Variants in GRIK1 observed in about 807,000 individuals in gnomAD.
The protein encoded by GRIK1 is glutamate ionotropic receptor kainate type subunit 1, also known as glutamate receptor ionotropic, kainate 1.
A neutral mutation model predicts 105.7 loss-of-function variants in GRIK1; 69 were observed. The observed-to-expected ratio is 0.65, with a 90% CI of 0.54 to 0.80. The LOEUF is 0.80. Ranked by LOEUF, GRIK1 falls within the 30% of genes least tolerant of loss-of-function variation. GRIK1 has a pLI of 0.00. For missense variants in GRIK1, 1,109 were observed against 1,167.3 expected (o/e 0.95, Z 0.73); for synonymous variants, 438 against 431.3 (o/e 1.02, Z -0.19).
In GRIK1 at chr21:29,541,575, C is replaced by T. The variant is rs73897671; in HGVS notation, c.2608-3691G>A. ...CTATGCCATTCATTGCACTCACGGT[C>T]TTTTTTTTTTTTTTTTTTTTTGTGG... is the stretch of plus-strand genomic sequence containing the variant. On this transcript the variant is annotated intron_variant, in intron 16 of 17. Coordinates refer to ENST00000327783, the MANE Select transcript of GRIK1 (RefSeq NM_001330994.2). Among the ~76,000 whole-genome samples the T allele has an allele frequency of 6.0e-3, 574 of 95,842 alleles. 10 individuals carry two copies. Among genetic ancestry groups the T allele is most frequent in the African/African-American group, 0.022 (467 of 20,892 alleles). The allele number at this position is 95,842 out of a possible 152,430, so 62.9% of individuals were successfully genotyped here. A position where few individuals can be genotyped will look rare whatever the true frequency, so the allele number is the denominator to read the frequency against.
At chr21:29,595,153 G>A (rs540859804) in intron 9 of GRIK1, among the ~76,000 whole-genome samples, 2 of 152,148 alleles carry the variant, frequency 1.3e-5, no homozygotes, top group South Asian at 4.2e-4. Flanking sequence ...GAGGCATGAA[G>A]GCATGGAGGA....
intron 14 of GRIK1, among the ~76,000 whole-genome samples, chr21:29,563,483 C>A (rs1292501726): frequency 6.6e-6 from 1 of 152,074 alleles, no homozygotes; most frequent in African/African-American, 2.4e-5. Flanking sequence ...CATATTGGGC[C>A]CCTGTGAGTT....
chr21:29,599,028 G>A (rs889627173), intron 7 of GRIK1, 91 bp from the exon 8 acceptor site: 3 of 637,674 alleles, frequency 4.7e-6, no homozygotes, highest in African/African-American at 3.7e-5. Context: ...ATTCATCACA[G>A]TATCCAATTA....
chr21:29,682,306 C>T (rs952059515), intron 3 of GRIK1, among the ~76,000 whole-genome samples: 1 of 152,110 alleles, frequency 6.6e-6, no homozygotes, highest in Non-Finnish European at 1.5e-5. Flanking sequence ...CATTTTAGTT[C>T]TTTTAGACTT....
rs561080538 is a variant in GRIK1 at position 29,574,801 on chromosome 21, C to G, written c.2130+2163G>C. The stretch of plus-strand genomic sequence containing the variant: ...CTCCCGGGTTCACGCCATTCTCCTG[C>G]CTCAGCCTCCCGAGTAGCTGGGACT... On this transcript the variant is annotated intron_variant, in intron 14 of 17. Coordinates refer to ENST00000327783, the MANE Select transcript of GRIK1 (RefSeq NM_001330994.2). Among the ~76,000 whole-genome samples the G allele has an allele frequency of 1.5e-4, 23 of 151,360 alleles. No homozygotes were observed. In the East Asian group the frequency reaches 3.5e-3, roughly 23 times the overall value.
At chr21:29,595,316 T>C (rs2061390960) in intron 9 of GRIK1, among the ~76,000 whole-genome samples, 1 of 151,352 alleles carries the variant, frequency 6.6e-6, no homozygotes, top group African/African-American at 2.4e-5. Context: ...GTGCCCAGAG[T>C]CTCAAGATGG....
At chr21:29,648,363 T>G (rs1262041249) in intron 6 of GRIK1, among the ~76,000 whole-genome samples, 4 of 152,208 alleles carry the variant, frequency 2.6e-5, no homozygotes, top group African/African-American at 9.7e-5. Flanking sequence ...AAAACACTAT[T>G]ATTTTAAAGT....
chr21:29,937,659 G>A (rs1281764413), intron 1 of GRIK1, among the ~76,000 whole-genome samples: 1 of 152,042 alleles, frequency 6.6e-6, no homozygotes, highest in East Asian at 1.9e-4. Context: ...GAGGAACATT[G>A]GCTAGCACAG....
At chr21:29,580,079 ATATG>A (rs1265308430) in intron 13 of GRIK1, among the ~76,000 whole-genome samples, 1 of 145,090 alleles carries the variant, frequency 6.9e-6, no homozygotes, top group Non-Finnish European at 1.5e-5. Context: ...ATATATATGT[ATATG>A]TGTGTGTATA....
intron 1 of GRIK1, among the ~76,000 whole-genome samples, chr21:29,763,376 T>G (rs1362415126): frequency 0.014 from 2 of 138 alleles, no homozygotes; most frequent in African/African-American, 0.036. Context: ...CTTCATAAAT[T>G]ACCCCATTCA....
intron 17 of GRIK1, among the ~76,000 whole-genome samples, 163 bp from the exon 18 acceptor site, chr21:29,537,548 C>T (rs955420968): frequency 5.3e-5 from 8 of 152,118 alleles, no homozygotes. Flanking sequence ...GCTGGCCACC[C>T]ACCTTTTCTA....
intron 1 of GRIK1, among the ~76,000 whole-genome samples, chr21:29,848,954 T>C (rs2068224068): frequency 6.6e-6 from 1 of 151,756 alleles, no homozygotes; most frequent in African/African-American, 2.4e-5. Context: ...TGTTTCTTTA[T>C]CATAACACTC....
intron 1 of GRIK1, among the ~76,000 whole-genome samples, chr21:29,931,632 C>T (rs2071566846): frequency 6.6e-6 from 1 of 152,062 alleles, no homozygotes; most frequent in African/African-American, 2.4e-5. Flanking sequence ...TAAGATCCTC[C>T]AGAATCATCT....
At chr21:29,573,357 C>G (rs1390037669) in intron 14 of GRIK1, among the ~76,000 whole-genome samples, 1 of 152,142 alleles carries the variant, frequency 6.6e-6, no homozygotes, top group African/African-American at 2.4e-5. Flanking sequence ...CCAAACATGT[C>G]GTAATGTAGT....
chr21:29,543,062 G>T (rs189175135), intron 16 of GRIK1, among the ~76,000 whole-genome samples: 10 of 152,212 alleles, frequency 6.6e-5, no homozygotes, highest in Non-Finnish European at 1.2e-4. Context: ...GTAAAATGTA[G>T]ACTATTAAAG....
chr21:29,798,909 G>A (rs2066629456), intron 1 of GRIK1, among the ~76,000 whole-genome samples: 1 of 152,174 alleles, frequency 6.6e-6, no homozygotes, highest in Non-Finnish European at 1.5e-5. Context: ...TGTGTTTGGT[G>A]GAGGTAGGAG....
intron 1 of GRIK1, among the ~76,000 whole-genome samples, chr21:29,822,779 C>T (rs2067341171): frequency 6.6e-6 from 1 of 152,006 alleles, no homozygotes; most frequent in Admixed American, 6.6e-5. Context: ...GGCACCAAGA[C>T]ATCCTCGATC....
intron 7 of GRIK1, among the ~76,000 whole-genome samples, chr21:29,605,493 T>C (rs13048690): frequency 0.15 from 23,009 of 152,200 alleles, 1,821 homozygotes; most frequent in Admixed American, 0.18. Flanking sequence ...TGGTTCCATG[T>C]CTTTGCTATT....
chr21:29,883,180 C>T (rs997745459), intron 1 of GRIK1, among the ~76,000 whole-genome samples: 4 of 151,988 alleles, frequency 2.6e-5, no homozygotes, highest in Admixed American at 2.0e-4. Flanking sequence ...TTTCAGATAT[C>T]GGGAAGTAGG....
Sources: allele counts gnomAD v4.1 joint callset (sites outside exome capture counted in the v4.1 genomes callset), GRCh38; gene constraint gnomAD v4.1.1; transcripts MANE v1.5; gene names NCBI Gene and HGNC (gene_info 2026-07-23, HGNC 2026-07-21).